IQCM: variants seen among roughly 807,000 people sequenced by gnomAD.
IQCM encodes IQ domain-containing protein M.
IQCM carries 45 observed loss-of-function variants against 57.6 expected under a neutral mutation model. The observed-to-expected ratio is 0.78, with a 90% CI of 0.62 to 1.00. The LOEUF is 1.00. IQCM is among the 50% of genes least tolerant of loss of function. The probability of loss-of-function intolerance (pLI) is 0.00; values close to 1 mark genes in which losing one functional copy is unlikely to be tolerated. For synonymous variants in IQCM, 148 were observed against 158.9 expected (o/e 0.93, Z 0.51); for missense variants, 468 against 511.6 (o/e 0.91, Z 0.82).
At chr4:149,622,571 A>C (rs1043628359) in intron 7 of IQCM, among the ~76,000 whole-genome samples, 3 of 152,008 alleles carry the variant, frequency 2.0e-5, no homozygotes, top group Non-Finnish European at 4.4e-5. Flanking sequence ...TCTCGAACTT[A>C]AAATTATTCA....
At chr4:149,749,882 C>T (rs1288070425) in intron 2 of IQCM, among the ~76,000 whole-genome samples, 1 of 152,022 alleles carries the variant, frequency 6.6e-6, no homozygotes, top group Non-Finnish European at 1.5e-5. Flanking sequence ...GATTGTAAGC[C>T]CCACCAGTGC....
intron 12 of IQCM, among the ~76,000 whole-genome samples, chr4:149,438,709 T>C (rs2111313240): frequency 6.6e-6 from 1 of 152,190 alleles, no homozygotes; most frequent in Non-Finnish European, 1.5e-5. Context: ...GCAGCCCCAT[T>C]CTTAAATTAA....
intron 12 of IQCM, among the ~76,000 whole-genome samples, chr4:149,469,312 A>T (rs979622041): frequency 6.6e-6 from 1 of 152,248 alleles, no homozygotes; most frequent in African/African-American, 2.4e-5. Context: ...ATGGCACAAG[A>T]ACTACGTGAC....
chr4:149,802,727 A>C (rs1773715580), intron 2 of IQCM, among the ~76,000 whole-genome samples: 2 of 151,988 alleles, frequency 1.3e-5, no homozygotes, highest in Non-Finnish European at 2.9e-5. Flanking sequence ...CCCCTTCTCT[A>C]AAATACATAA....
chr4:149,418,747 T>C (rs1404392122), intron 13 of IQCM, among the ~76,000 whole-genome samples: 1 of 152,082 alleles, frequency 6.6e-6, no homozygotes, highest in Non-Finnish European at 1.5e-5. Flanking sequence ...GAAAACCCCA[T>C]CATCTCAGCC....
chr4:149,719,557 C>A (rs1765273573), intron 5 of IQCM, among the ~76,000 whole-genome samples: 2 of 152,170 alleles, frequency 1.3e-5, no homozygotes, highest in African/African-American at 4.8e-5. Context: ...TTCACATAAA[C>A]TGGAAAGTCC....
chr4:149,655,623 T>A (rs1403435734), intron 7 of IQCM, among the ~76,000 whole-genome samples: 4 of 152,142 alleles, frequency 2.6e-5, no homozygotes, highest in Non-Finnish European at 5.9e-5. Context: ...TAATTCAACA[T>A]AAAGCCTAAC....
chr4:149,532,804 C>A (rs1746888157), intron 12 of IQCM, among the ~76,000 whole-genome samples: 1 of 152,028 alleles, frequency 6.6e-6, no homozygotes, highest in Non-Finnish European at 1.5e-5. Context: ...GCCCCTGCCA[C>A]ACTGGAAATC....
chr4:149,584,688 T>C (rs555678235), intron 9 of IQCM, among the ~76,000 whole-genome samples: 2 of 151,854 alleles, frequency 1.3e-5, no homozygotes, highest in South Asian at 4.1e-4. Flanking sequence ...TATACAACCA[T>C]CTTTTCTTCC....
intron 13 of IQCM, among the ~76,000 whole-genome samples, chr4:149,419,216 G>T (rs562507714): frequency 6.6e-6 from 1 of 152,034 alleles, no homozygotes; most frequent in Non-Finnish European, 1.5e-5. Context: ...AAAGCTGGAG[G>T]CATCATGCTA....
chr4:149,511,598 C>T (rs1371686316), intron 12 of IQCM, among the ~76,000 whole-genome samples: 5 of 151,816 alleles, frequency 3.3e-5, no homozygotes, highest in Admixed American at 6.6e-5. Flanking sequence ...AAATGTATTT[C>T]GTGAGATCTC....
chr4:149,740,329 G>A (rs1400853786), intron 3 of IQCM, among the ~76,000 whole-genome samples: 2 of 152,110 alleles, frequency 1.3e-5, no homozygotes, highest in Non-Finnish European at 2.9e-5. Context: ...CCTACTAAGT[G>A]CTAGATGCTG....
intron 13 of IQCM, among the ~76,000 whole-genome samples, chr4:149,407,443 T>A (rs1233712509): frequency 6.6e-6 from 1 of 152,160 alleles, no homozygotes; most frequent in Non-Finnish European, 1.5e-5. Flanking sequence ...TACAATGTAT[T>A]CAACAGGTGA....
At chr4:149,631,406 A>G (rs1241806387) in intron 7 of IQCM, among the ~76,000 whole-genome samples, 1 of 152,222 alleles carries the variant, frequency 6.6e-6, no homozygotes. Flanking sequence ...TGGGACTCCA[A>G]CATAAAAATA....
intron 12 of IQCM, among the ~76,000 whole-genome samples, chr4:149,468,460 G>A (rs1268885975): frequency 6.6e-6 from 1 of 152,228 alleles, no homozygotes; most frequent in East Asian, 1.9e-4. Flanking sequence ...GCTTGAATAG[G>A]TAAAAGGAAG....
At chr4:149,357,284 T>C (rs1729072856) in intron 13 of IQCM, among the ~76,000 whole-genome samples, 1 of 152,196 alleles carries the variant, frequency 6.6e-6, no homozygotes, top group South Asian at 2.1e-4. Flanking sequence ...AACACTATGT[T>C]GAATATGAGT....
chr4:149,624,704 A>T (rs541517782), intron 7 of IQCM, among the ~76,000 whole-genome samples: 1 of 152,326 alleles, frequency 6.6e-6, no homozygotes, highest in South Asian at 2.1e-4. Flanking sequence ...AGATTGGTTC[A>T]ATTCACCTGG....
chr4:149,427,185 T>C (rs1734520074), intron 13 of IQCM, among the ~76,000 whole-genome samples: 1 of 152,010 alleles, frequency 6.6e-6, no homozygotes, highest in South Asian at 2.1e-4. Flanking sequence ...AAAACTCTGA[T>C]GTTGCTTTAT....
intron 8 of IQCM, among the ~76,000 whole-genome samples, chr4:149,593,403 C>G (rs1205674617): frequency 6.6e-6 from 1 of 152,166 alleles, no homozygotes; most frequent in South Asian, 2.1e-4. Context: ...CATCTGCAAA[C>G]AGGGACAATT....
Sources: gnomAD v4.1 joint callset for allele counts (sites outside exome capture counted in the v4.1 genomes callset) on GRCh38, gnomAD v4.1.1 for gene constraint, MANE v1.5 for transcripts, NCBI Gene and HGNC (gene_info 2026-07-23, HGNC 2026-07-21) for gene names.